Variants in DUSP16 observed in about 807,000 individuals in gnomAD.
DUSP16 encodes dual specificity phosphatase 16.
A neutral mutation model predicts 58.3 loss-of-function variants in DUSP16; 21 were observed. The observed-to-expected ratio is 0.36, with a 90% CI of 0.26 to 0.52. DUSP16 has a LOEUF of 0.52. DUSP16 is among the 20% of genes least tolerant of loss of function. DUSP16 has a pLI of 0.94. For missense variants in DUSP16, 726 were observed against 819.0 expected, an observed-to-expected ratio of 0.89 and a Z score of 1.39; for synonymous variants, 320 against 323.8, an observed-to-expected ratio of 0.99 and a Z score of 0.12.
At chr12:12,525,678 G>A (rs1020842915) in intron 1 of DUSP16, among the ~76,000 whole-genome samples, 1 of 151,736 alleles carries the variant, frequency 6.6e-6, no homozygotes, top group Non-Finnish European at 1.5e-5. Context: ...TTCAAGACCA[G>A]CCTGAGCAAC....
chr12:12,533,442 G>A (rs554175175), intron 1 of DUSP16, among the ~76,000 whole-genome samples: 1 of 152,296 alleles, frequency 6.6e-6, no homozygotes, highest in Non-Finnish European at 1.5e-5. Context: ...CTTCAAGCCC[G>A]GACCACACCT....
intron 1 of DUSP16, among the ~76,000 whole-genome samples, chr12:12,549,615 C>T (rs1040823169): frequency 6.6e-6 from 1 of 152,138 alleles, no homozygotes; most frequent in Non-Finnish European, 1.5e-5. Context: ...CTGGATGAAA[C>T]AAATGACTGC....
chr12:12,476,908 C>T lies in DUSP16; in HGVS notation c.1923G>A (p.Arg641=). The T allele has an allele frequency of 6.2e-7, 1 of 1,613,988 alleles. No homozygotes were observed. Among genetic ancestry groups the T allele is most frequent in the Non-Finnish European group, 8.5e-7 (1 of 1,180,042 alleles). The part of the protein sequence containing the change: ...EFGESIMSEN[R]SREELGKVGS... ...CCACTTTCCCCAGCTCTTCCCGTGA[C>T]CTGTTCTCTGACATGATGCTCTCTC... Residue 641 remains arginine (R), a synonymous_variant, in exon 7 of 7, where the codon AGG becomes AGA. Transcript: ENST00000298573.
At chr12:12,510,684 G>C (rs149277374) in intron 3 of DUSP16, among the ~76,000 whole-genome samples, 1 of 152,282 alleles carries the variant, frequency 6.6e-6, no homozygotes, top group East Asian at 1.9e-4. Flanking sequence ...CAGTTTTATG[G>C]GATAAACTTT....
In DUSP16 at chr12:12,474,217, G is replaced by A. The variant is rs1412963096; in HGVS notation, c.*2616C>T. The A allele has an allele frequency of 2.6e-5, 4 of 152,200 alleles. No individual in the cohort carries two copies. The highest frequency in any genetic ancestry group is 1.9e-4 in the East Asian group (1 of 5,190). 9.4% of individuals were successfully genotyped at this position (152,200 alleles called of 1,614,324 possible). Reference sequence around the variant, plus strand: ...TGGCTGCAAAGATAGGTCTTTTCTCGTATTTATGTATAAACAGGTACCAGT... The same window carrying A: ...TGGCTGCAAAGATAGGTCTTTTCTCATATTTATGTATAAACAGGTACCAGT... On this transcript the variant is annotated 3_prime_UTR_variant, in exon 7 of 7. Transcript: ENST00000298573.
intron 1 of DUSP16, among the ~76,000 whole-genome samples, chr12:12,526,299 G>C (rs879257891): frequency 6.0e-5 from 6 of 99,882 alleles, no homozygotes; most frequent in African/African-American, 1.2e-4. Flanking sequence ...ATACAATTTT[G>C]TCTGTTTTTA....
chr12:12,543,317 A>G (rs760721652), intron 1 of DUSP16, among the ~76,000 whole-genome samples: 1 of 152,216 alleles, frequency 6.6e-6, no homozygotes, highest in African/African-American at 2.4e-5. Context: ...ATAGTGGGCC[A>G]TGTGTACAAC....
At chr12:12,513,844 C>CT (rs1006614964) in intron 3 of DUSP16, among the ~76,000 whole-genome samples, 12 of 152,106 alleles carry the variant, frequency 7.9e-5, no homozygotes, top group African/African-American at 2.2e-4. Context: ...AATAGTTTTC[C>CT]TTTTTTTCAC....
chr12:12,538,509 G>A (rs1250022874), intron 1 of DUSP16, among the ~76,000 whole-genome samples: 1 of 152,114 alleles, frequency 6.6e-6, no homozygotes, highest in Non-Finnish European at 1.5e-5. Context: ...TAGCTTCTAG[G>A]GAGTGTGCTT....
intron 1 of DUSP16, among the ~76,000 whole-genome samples, chr12:12,541,316 T>C (rs2136252208): frequency 6.6e-6 from 1 of 152,146 alleles, no homozygotes; most frequent in South Asian, 2.1e-4. Flanking sequence ...GGGAAGACAA[T>C]TCATCTTCCC....
At chr12:12,557,486 A>T (rs1944824158) in intron 1 of DUSP16, among the ~76,000 whole-genome samples, 1 of 151,770 alleles carries the variant, frequency 6.6e-6, no homozygotes, top group African/African-American at 2.4e-5. Flanking sequence ...CTAAGTTTCC[A>T]TGCTTTGACC....
chr12:12,520,125 G>A, intron 2 of DUSP16, 125 bp from the exon 3 acceptor site: 1 of 977,694 alleles, frequency 1.0e-6, no homozygotes, highest in Non-Finnish European at 1.5e-6. Flanking sequence ...TTAATAATTT[G>A]AATAAAAATG....
chr12:12,517,346 A>T (rs1445275907), intron 3 of DUSP16, among the ~76,000 whole-genome samples: 1 of 152,202 alleles, frequency 6.6e-6, no homozygotes, highest in Non-Finnish European at 1.5e-5. Flanking sequence ...TTTGTAGTGA[A>T]AATTGTCTCC....
intron 4 of DUSP16, among the ~76,000 whole-genome samples, chr12:12,488,001 A>C (rs1943709290): frequency 6.6e-6 from 1 of 152,158 alleles, no homozygotes; most frequent in Admixed American, 6.5e-5. Context: ...AGATAACCAA[A>C]AAAGCCACCA....
intron 4 of DUSP16, among the ~76,000 whole-genome samples, chr12:12,491,781 T>C (rs1054419052): frequency 5.3e-5 from 8 of 152,266 alleles, no homozygotes; most frequent in African/African-American, 1.4e-4. Flanking sequence ...TCTCTGTCAT[T>C]ACCAATTACC....
chr12:12,520,044 G>A (rs1238537375), intron 2 of DUSP16, 44 bp from the exon 3 acceptor site: 2 of 1,608,928 alleles, frequency 1.2e-6, no homozygotes, highest in Non-Finnish European at 1.7e-6. Context: ...GGTGAGAAAA[G>A]TAATCTCAAA....
intron 1 of DUSP16, among the ~76,000 whole-genome samples, chr12:12,555,174 C>T (rs1175796421): frequency 3.3e-5 from 5 of 152,228 alleles, no homozygotes; most frequent in Non-Finnish European, 7.3e-5. Flanking sequence ...AAAAAGGTGA[C>T]TGGAAACAAC....
intron 1 of DUSP16, among the ~76,000 whole-genome samples, chr12:12,531,747 T>G: frequency 6.6e-6 from 1 of 152,084 alleles, no homozygotes; most frequent in East Asian, 1.9e-4. Flanking sequence ...GGCATGGGCC[T>G]GTAATCCCGG....
At chr12:12,523,078 C>A (rs529626517) in intron 1 of DUSP16, among the ~76,000 whole-genome samples, 1 of 152,132 alleles carries the variant, frequency 6.6e-6, no homozygotes, top group Non-Finnish European at 1.5e-5. Context: ...TTTGTACTTA[C>A]AAATTAGAAG....
Sources: gnomAD v4.1 joint callset for allele counts (sites outside exome capture counted in the v4.1 genomes callset) on GRCh38, gnomAD v4.1.1 for gene constraint, MANE v1.5 for transcripts, NCBI Gene and HGNC (gene_info 2026-07-23, HGNC 2026-07-21) for gene names.